VANGL2: variants seen among roughly 807,000 people sequenced by gnomAD.
The protein encoded by VANGL2 is vang-like protein 2.
VANGL2 carries 14 observed loss-of-function variants against 50.2 expected under a neutral mutation model. The observed-to-expected ratio is 0.28, with a 90% CI of 0.18 to 0.44. VANGL2 has a LOEUF of 0.44. Ranked by LOEUF, VANGL2 falls within the 20% of genes least tolerant of loss-of-function variation. VANGL2 has a pLI of 1.00. For missense variants in VANGL2, 533 were observed against 701.5 expected (o/e 0.76, Z 2.71); for synonymous variants, 295 against 297.2 (o/e 0.99, Z 0.08).
intron 5 of VANGL2, 143 bp downstream of exon 5, chr1:160,420,690 C>A (rs1192329658): frequency 1.5e-6 from 2 of 1,297,564 alleles, no homozygotes; most frequent in Non-Finnish European, 2.2e-6. Context: ...TTTCCCTTGA[C>A]TCCAGGTGGC....
At chr1:160,417,390 G>A (rs113009802) in intron 3 of VANGL2, among the ~76,000 whole-genome samples, 4 of 152,182 alleles carry the variant, frequency 2.6e-5, no homozygotes, top group African/African-American at 9.7e-5. Flanking sequence ...GGACTCCTCC[G>A]TGGGATGGCC....
intron 1 of VANGL2, among the ~76,000 whole-genome samples, chr1:160,412,174 A>C (rs1357385235): frequency 6.6e-6 from 1 of 152,204 alleles, no homozygotes; most frequent in Non-Finnish European, 1.5e-5. Flanking sequence ...TCACACAGCT[A>C]GTCAGTGGAA....
intron 1 of VANGL2, among the ~76,000 whole-genome samples, chr1:160,402,759 A>G (rs146825324): frequency 6.6e-6 from 1 of 152,048 alleles, no homozygotes; most frequent in East Asian, 1.9e-4. Flanking sequence ...CAGGAAGTGA[A>G]TGTCTCTTTC....
rs147526057 is a variant in VANGL2 at position 160,419,533 on chromosome 1, C to G, written c.724C>G (p.Leu242Val). The change falls in exon 4 of 8, where the codon CTC becomes GTC. Residue 242 changes from leucine (L) to valine (V), a missense_variant. By Grantham distance (32) the Leu-to-Val change is conservative (BLOSUM62 1). Transcript: ENST00000368061. This position sits in a 1 kb window ranked among gnomAD's most constrained non-coding sequence, Gnocchi z 5.8. ...CGTGGTCCTGCTGGAGCTGCGCCAGCTCCAGCCTCAGTTCACGCTCAAGGT... is the reference window on the plus strand; with the variant it reads ...CGTGGTCCTGCTGGAGCTGCGCCAGGTCCAGCCTCAGTTCACGCTCAAGGT... ...LAVVLLELRQ[L>V]QPQFTLKVVR... 8.5e-4 allele frequency: 1,362 copies of G among 1,601,240 alleles called. No individual in the cohort carries two copies. The highest frequency in any genetic ancestry group is 1.0e-3 in the Non-Finnish European group (1,224 of 1,179,678).
At chr1:160,421,237 G>A in intron 6 of VANGL2, 50 bp downstream of exon 6, 1 of 1,607,854 alleles carries the variant, frequency 6.2e-7, no homozygotes. Flanking sequence ...GGGTGAATGG[G>A]GAGAGGAAGA....
intron 1 of VANGL2, among the ~76,000 whole-genome samples, chr1:160,401,582 C>G (rs1280848051): frequency 1.3e-5 from 2 of 152,010 alleles, no homozygotes; most frequent in Non-Finnish European, 2.9e-5. Flanking sequence ...CACGCCTTGA[C>G]GTGCTGCATG....
At chr1:160,412,040 A>G (rs904168519) in intron 1 of VANGL2, among the ~76,000 whole-genome samples, 7 of 152,216 alleles carry the variant, frequency 4.6e-5, no homozygotes, top group African/African-American at 1.7e-4. Context: ...ACCATTTATA[A>G]AAGCACTTCT....
intron 6 of VANGL2, among the ~76,000 whole-genome samples, chr1:160,421,543 G>T (rs1259784672): frequency 2.0e-5 from 3 of 152,208 alleles, no homozygotes; most frequent in African/African-American, 7.2e-5. Flanking sequence ...CAGTTTACAT[G>T]ATGGTAGTGC....
At position 160,412,311 on chromosome 1, in the gene VANGL2, G is replaced by A. The variant is rs534297534; in HGVS notation, c.-190-3337G>A. ...GCCTGGGATCTAGTGTGTGTGTCTA[G>A]ACTCTAGTCCGTGGCAGTTGTTTAC... On this transcript the variant is annotated intron_variant, in intron 1 of 7. Transcript: ENST00000368061. Among the ~76,000 whole-genome samples the A allele has an allele frequency of 3.4e-4, 52 of 152,014 alleles. No individual in the cohort carries two copies. In the South Asian group the frequency reaches 0.011, roughly 32 times the overall value.
chr1:160,417,304 G>A (rs763384705), intron 3 of VANGL2, among the ~76,000 whole-genome samples: 1 of 152,188 alleles, frequency 6.6e-6, no homozygotes, highest in African/African-American at 2.4e-5. Flanking sequence ...AACCTCCTGG[G>A]TGTCAGGTTG....
chr1:160,414,628 G>C (rs1650991143), intron 1 of VANGL2, among the ~76,000 whole-genome samples: 1 of 151,980 alleles, frequency 6.6e-6, no homozygotes, highest in African/African-American at 2.4e-5. Flanking sequence ...GTAAACTCAG[G>C]GTCTGTTATA....
rs769583287 is a variant in VANGL2 at position 160,420,443 on chromosome 1, A to G, written c.833A>G (p.Lys278Arg). ...CGCGTGGCAGTGTGGATCCTGGAGA[A>G]GTATTACCATGACTTCCCTGTCTAC... ...IQRVAVWILE[K>R]YYHDFPVYNP... Residue 278 changes from lysine to arginine, a missense_variant, in exon 5 of 8, where the codon AAG becomes AGG. Transcript: ENST00000368061. The G allele has an allele frequency of 1.9e-6, 3 of 1,613,572 alleles. No individual in the cohort carries two copies. The highest frequency in any genetic ancestry group is 2.7e-5 in the African/African-American group (2 of 74,736).
At position 160,424,128 on chromosome 1, in the gene VANGL2, G is replaced by T; in HGVS notation, c.1150G>T (p.Val384Leu). 1 of 1,614,128 alleles carries T rather than the reference G, an allele frequency of 6.2e-7. No homozygotes were observed. Among genetic ancestry groups the T allele is most frequent in the Non-Finnish European group, 8.5e-7 (1 of 1,179,982 alleles). ...AGAGGAGCAGAAAAACCCCAGGGAG[G>T]TGATGGACCCCCGGGAGGCAGCCCA... Reference protein sequence around the residue: ...QEEEQKNPREVMDPREAAQAI... With the variant: ...QEEEQKNPRELMDPREAAQAI... The change falls in exon 7 of 8, where the codon GTG (valine) becomes TTG (leucine). Residue 384 changes from valine to leucine, a missense_variant. Coordinates refer to ENST00000368061, the MANE Select transcript of VANGL2 (RefSeq NM_020335.3).
intron 4 of VANGL2, 63 bp from the exon 5 acceptor site, chr1:160,420,347 TC>T (rs1197038080): frequency 1.9e-5 from 31 of 1,607,298 alleles, no homozygotes; most frequent in Non-Finnish European, 2.6e-5. Flanking sequence ...CCCTAATGTG[TC>T]CCTTTCCCCT....
At chr1:160,415,614 G>A (rs922309780) in intron 1 of VANGL2, 34 bp from the exon 2 acceptor site, 49 of 586,968 alleles carry the variant, frequency 8.3e-5, no homozygotes, top group Non-Finnish European at 1.2e-4. Context: ...CAGGGAGCTC[G>A]AGCCGCCTCT....
rs1651287795 is a variant in VANGL2 at position 160,421,885 on chromosome 1, G to GT, written c.1073+699dup. Among the ~76,000 whole-genome samples, 5 of 152,320 alleles carry GT rather than the reference G, an allele frequency of 3.3e-5. No homozygotes were observed. In the South Asian group the frequency reaches 1.0e-3, roughly 32 times the overall value. On this transcript the variant is annotated intron_variant, in intron 6 of 7. Coordinates refer to ENST00000368061, the MANE Select transcript of VANGL2 (RefSeq NM_020335.3). ...AGATCTTGAGAGGACTCACCAGATG[G>GT]TGCTTTTGTTGCCTTCAAAAAATGA...
In VANGL2 at chr1:160,425,409, T is replaced by C. The variant is rs779942237; in HGVS notation, c.*31T>C. 1 of 252,298 alleles carries C rather than the reference T, an allele frequency of 4.0e-6. No homozygotes were observed. Among genetic ancestry groups the C allele is most frequent in the African/African-American group, 8.5e-5 (1 of 11,754 alleles). 15.6% of individuals were successfully genotyped at this position (252,298 alleles called of 1,614,324 possible). A position where few individuals can be genotyped will look rare whatever the true frequency, so the allele number is the denominator to read the frequency against. On this transcript the variant is annotated 3_prime_UTR_variant, in exon 8 of 8. Coordinates refer to ENST00000368061, the MANE Select transcript of VANGL2 (RefSeq NM_020335.3). ...CAACAGCAGGGGGAGTGGGAAACTCTGGGGGGTCCTGAGGGGGTGGGAGGG... is the reference window on the plus strand; with the variant it reads ...CAACAGCAGGGGGAGTGGGAAACTCCGGGGGGTCCTGAGGGGGTGGGAGGG...
Position 160,419,097 on chromosome 1 carries a change from G to T in VANGL2, c.288G>T (p.Glu96Asp), listed in dbSNP as rs2101965351. The change falls in exon 4 of 8, where the codon GAG becomes GAT. Residue 96 changes from glutamate to aspartate, a missense_variant. By Grantham distance (45) the Glu-to-Asp change is conservative. Transcript: ENST00000368061. The surrounding 1 kb of genome is among the most constrained non-coding windows in gnomAD (Gnocchi z 5.8). ...DDLTRIAKDM[E>D]DSVPLDCSRH... is the part of the protein sequence containing the mutation. ...TCACACGCATCGCCAAGGACATGGA[G>T]GACAGTGTCCCTCTGGACTGCTCCC... is the stretch of plus-strand genomic sequence containing the variant. 1 of 1,614,172 alleles carries T rather than the reference G, an allele frequency of 6.2e-7. No homozygotes were observed. The highest frequency in any genetic ancestry group is 1.3e-5 in the African/African-American group (1 of 75,068).
Position 160,424,045 on chromosome 1 carries a change from C to T in VANGL2, c.1074-7C>T, listed in dbSNP as rs759940218. 5.0e-6 allele frequency: 8 copies of T among 1,613,804 alleles called. No homozygotes were observed. The highest frequency in any genetic ancestry group is 6.8e-6 in the Non-Finnish European group (8 of 1,179,868). On this transcript the variant is annotated splice_region_variant and splice_polypyrimidine_tract_variant and intron_variant, in intron 6 of 7. Coordinates refer to ENST00000368061, the MANE Select transcript of VANGL2 (RefSeq NM_020335.3). ...GGCATCTGGCCCAGTCCCCTCCTGT[C>T]CCCTAGGCTTGTAGTGGCGGTGGAG...
Sources: gnomAD v4.1 joint callset for allele counts (sites outside exome capture counted in the v4.1 genomes callset) on GRCh38, gnomAD v4.1.1 for gene constraint, Gnocchi (gnomAD v3.1) non-coding constraint, MANE v1.5 for transcripts, NCBI Gene and HGNC (gene_info 2026-07-23, HGNC 2026-07-21) for gene names.